Variants in NAALADL2 observed in about 807,000 individuals in gnomAD.
The protein encoded by NAALADL2 is N-acetylated alpha-linked acidic dipeptidase like 2.
In NAALADL2, 76 loss-of-function variants were observed where a neutral mutation model predicts 87.2. That is an observed-to-expected ratio of 0.87 (90% CI 0.72 to 1.05). NAALADL2 has a LOEUF of 1.05. Ranked by LOEUF, NAALADL2 falls within the 50% of genes least tolerant of loss-of-function variation. The pLI is 0.00. For missense variants in NAALADL2, 1,089 were observed against 945.8 expected (o/e 1.15, Z -1.99); for synonymous variants, 354 against 331.0 (o/e 1.07, Z -0.75).
At chr3:175,532,432 C>T (rs555343503) in intron 9 of NAALADL2, among the ~76,000 whole-genome samples, 1 of 152,280 alleles carries the variant, frequency 6.6e-6, no homozygotes, top group East Asian at 1.9e-4. Context: ...CCCTTTCATT[C>T]ACTGGTGTCT....
rs754527413 is a variant in NAALADL2 at position 175,467,104 on chromosome 3, T to A, written c.1453T>A (p.Trp485Arg). The stretch of plus-strand genomic sequence containing the variant: ...CTTGATGTCAAAAGTTAAGAGAGGG[T>A]GGAGACCAGACCGAACTATTGTTTT... ...RALMSKVKRG[W>R]RPDRTIVFCS... Residue 485 changes from tryptophan to arginine, a missense_variant, in exon 8 of 14, where the codon TGG becomes AGG. By Grantham distance (101) the Trp-to-Arg change is moderately radical. Coordinates refer to ENST00000454872, the MANE Select transcript of NAALADL2 (RefSeq NM_207015.3). 30 of 1,613,758 alleles carry A rather than the reference T, an allele frequency of 1.9e-5. No individual in the cohort carries two copies. The highest frequency in any genetic ancestry group is 2.5e-5 in the Non-Finnish European group (30 of 1,179,830).
intron 1 of NAALADL2, among the ~76,000 whole-genome samples, chr3:174,970,261 TA>T: frequency 6.6e-6 from 1 of 152,300 alleles, no homozygotes; most frequent in East Asian, 1.9e-4. Context: ...CACTTGGAAA[TA>T]ATTATTTCAA....
intron 4 of NAALADL2, among the ~76,000 whole-genome samples, chr3:175,281,927 G>A (rs1018467238): frequency 3.3e-5 from 5 of 151,790 alleles, no homozygotes; most frequent in Admixed American, 2.0e-4. Flanking sequence ...TATTTAAGCT[G>A]ACTTGGATCT....
chr3:174,756,133 G>T (rs1358422333), intron 3 of NAALADL2, among the ~76,000 whole-genome samples: 1 of 152,192 alleles, frequency 6.6e-6, no homozygotes, highest in Non-Finnish European at 1.5e-5. Context: ...TACAATGATT[G>T]TAAAGCACTG....
chr3:174,538,841 G>C (rs1721961410), intron 1 of NAALADL2, among the ~76,000 whole-genome samples: 1 of 152,072 alleles, frequency 6.6e-6, no homozygotes, highest in South Asian at 2.1e-4. Context: ...GGCCCATTTT[G>C]AGTTGTCCTG....
At chr3:175,051,387 A>G (rs761520154) in intron 1 of NAALADL2, among the ~76,000 whole-genome samples, 11 of 152,128 alleles carry the variant, frequency 7.2e-5, no homozygotes, top group Non-Finnish European at 1.2e-4. Flanking sequence ...ACAAGGCAAC[A>G]TTCAAGTCTG....
At chr3:175,740,153 C>T (rs1745044657) in intron 12 of NAALADL2, among the ~76,000 whole-genome samples, 1 of 152,058 alleles carries the variant, frequency 6.6e-6, no homozygotes, top group East Asian at 1.9e-4. Flanking sequence ...AATCTTATAA[C>T]CAGAGGCCAA....
At chr3:175,520,638 T>C (rs1285811224) in intron 9 of NAALADL2, among the ~76,000 whole-genome samples, 1 of 152,072 alleles carries the variant, frequency 6.6e-6, no homozygotes, top group Non-Finnish European at 1.5e-5. Flanking sequence ...CAGAAGAAAG[T>C]GAGTAAAATA....
chr3:175,532,911 C>T (rs143428826), intron 9 of NAALADL2, among the ~76,000 whole-genome samples: 49 of 152,286 alleles, frequency 3.2e-4, no homozygotes, highest in African/African-American at 5.8e-4. Context: ...ATCTTCTGGA[C>T]GCTCCCAGCT....
chr3:175,132,117 C>T (rs1361799209), intron 2 of NAALADL2, among the ~76,000 whole-genome samples: 3 of 130,242 alleles, frequency 2.3e-5, no homozygotes, highest in Non-Finnish European at 3.3e-5. Flanking sequence ...CCGGATGGGG[C>T]GGCTGGCCGG....
At chr3:175,064,342 C>G (rs1270995911) in intron 1 of NAALADL2, among the ~76,000 whole-genome samples, 1 of 151,580 alleles carries the variant, frequency 6.6e-6, no homozygotes, top group Non-Finnish European at 1.5e-5. Context: ...GCTCACTTCT[C>G]TAAGTTCCAA....
At chr3:174,617,626 G>C (rs528514221) in intron 2 of NAALADL2, among the ~76,000 whole-genome samples, 14 of 151,674 alleles carry the variant, frequency 9.2e-5, no homozygotes, top group Non-Finnish European at 1.8e-4. Context: ...TTCTTAATTA[G>C]ACCTATGTCT....
chr3:174,790,382 G>A (rs1261305615), intron 3 of NAALADL2, among the ~76,000 whole-genome samples: 3 of 152,126 alleles, frequency 2.0e-5, no homozygotes, highest in African/African-American at 7.2e-5. Flanking sequence ...AGGCGTGGTG[G>A]TTCATGCCTA....
chr3:175,670,162 A>G lies in NAALADL2; in HGVS notation c.1896+42776A>G, dbSNP rs546756374. 1.1e-4 allele frequency among the ~76,000 whole-genome samples: 16 copies of G among 152,018 alleles called. No individual in the cohort carries two copies. In the South Asian group the frequency reaches 1.7e-3, roughly 16 times the overall value. On this transcript the variant is annotated intron_variant, in intron 11 of 13. Coordinates refer to ENST00000454872, the MANE Select transcript of NAALADL2 (RefSeq NM_207015.3). ...CATAAACCTGAAAGGTAACTTGCCC[A>G]AGGCAATAGACCAGAAAGTAGCAAA...
chr3:175,423,797 G>A (rs989195527), intron 5 of NAALADL2, among the ~76,000 whole-genome samples: 3 of 152,184 alleles, frequency 2.0e-5, no homozygotes, highest in African/African-American at 7.2e-5. Flanking sequence ...GGGATTGGTG[G>A]GTCAAATGGT....
At chr3:174,467,332 C>T (rs1423028453) in intron 1 of NAALADL2, among the ~76,000 whole-genome samples, 8 of 151,700 alleles carry the variant, frequency 5.3e-5, no homozygotes, top group Middle Eastern at 3.4e-3. Context: ...TGGTGGCTCA[C>T]GCCTGTAATC....
At chr3:175,276,170 CATCTATTATTTAAACAG>C (rs1358193641) in intron 4 of NAALADL2, among the ~76,000 whole-genome samples, 1 of 150,318 alleles carries the variant, frequency 6.7e-6, no homozygotes, top group African/African-American at 2.4e-5. Context: ...AAGTACTTTT[CATCTATTATTTAAACAG>C]AATTAATCAA....
chr3:174,916,220 G>A (rs1371114084), intron 1 of NAALADL2, among the ~76,000 whole-genome samples: 4 of 151,844 alleles, frequency 2.6e-5, no homozygotes, highest in South Asian at 2.1e-4. Flanking sequence ...AACAACAGAT[G>A]TTGGTGTGGA....
intron 2 of NAALADL2, among the ~76,000 whole-genome samples, chr3:174,686,491 T>C (rs1728054552): frequency 6.6e-6 from 1 of 151,974 alleles, no homozygotes; most frequent in Non-Finnish European, 1.5e-5. Flanking sequence ...GTTGAGCTTT[T>C]TTTTTTTCCA....
Sources: gnomAD v4.1 joint callset for allele counts (sites outside exome capture counted in the v4.1 genomes callset) on GRCh38, gnomAD v4.1.1 for gene constraint, MANE v1.5 for transcripts, NCBI Gene and HGNC (gene_info 2026-07-23, HGNC 2026-07-21) for gene names.